Variants in GDPD4 observed in about 807,000 individuals in gnomAD.
The protein encoded by GDPD4 is glycerophosphodiester phosphodiesterase 6.
GDPD4 carries 60 observed loss-of-function variants against 67.8 expected under a neutral mutation model. That is an observed-to-expected ratio of 0.88 (90% CI 0.72 to 1.10). The LOEUF (loss-of-function observed/expected upper bound fraction) is 1.10. Among genes scored for constraint, GDPD4 ranks in the 50% least tolerant of loss-of-function variants. The pLI is 0.00. For synonymous variants in GDPD4, 212 were observed against 210.9 expected (o/e 1.00, Z -0.04); for missense variants, 623 against 613.9 (o/e 1.01, Z -0.16).
chr11:77,270,498 A>G (rs1219476874), intron 7 of GDPD4, among the ~76,000 whole-genome samples: 1 of 152,150 alleles, frequency 6.6e-6, no homozygotes, highest in East Asian at 1.9e-4. Flanking sequence ...CAGGCGGATC[A>G]CGAGGTTAAG....
intron 10 of GDPD4, 39 bp downstream of exon 10, chr11:77,268,418 A>G (rs1240455270): frequency 1.5e-5 from 21 of 1,379,498 alleles, no homozygotes; most frequent in African/African-American, 7.2e-5. Flanking sequence ...CATTGAACTT[A>G]TACCCTCCTC....
chr11:77,276,696 T>G (rs537014024), intron 4 of GDPD4, among the ~76,000 whole-genome samples: 1 of 152,198 alleles, frequency 6.6e-6, no homozygotes, highest in Non-Finnish European at 1.5e-5. Context: ...AACACTGGTA[T>G]AGATTCAACA....
intron 16 of GDPD4, among the ~76,000 whole-genome samples, chr11:77,226,762 C>A (rs1958347563): frequency 6.6e-6 from 1 of 152,142 alleles, no homozygotes; most frequent in Admixed American, 6.5e-5. Context: ...ACTCAAGTAA[C>A]CATGTAACTT....
At chr11:77,254,901 C>A (rs751841631) in intron 11 of GDPD4, among the ~76,000 whole-genome samples, 1 of 152,150 alleles carries the variant, frequency 6.6e-6, no homozygotes. Context: ...TCAGAATAAT[C>A]TTTACTAATT....
rs1430537731 is a variant in GDPD4 at position 77,243,698 on chromosome 11, A to T, written c.1237T>A (p.Leu413Ile). ...VDYKKLFPNG[L>I]RDYKAANIHI... ...GAGGTGTGGTCAAACACTTACCTTA[A>T]CCCATTAGGGAACAACTTCTTGTAG... The change falls in exon 13 of 17, where the codon TTA becomes ATA. Residue 413 changes from leucine to isoleucine, a missense_variant. Coordinates refer to ENST00000315938, the MANE Select transcript of GDPD4 (RefSeq NM_182833.3). 2 of 1,612,036 alleles carry T rather than the reference A, an allele frequency of 1.2e-6. No individual in the cohort carries two copies.
At chr11:77,287,572 T>C (rs935982142) in intron 1 of GDPD4, among the ~76,000 whole-genome samples, 152 bp from the exon 2 acceptor site, 1 of 152,188 alleles carries the variant, frequency 6.6e-6, no homozygotes, top group Non-Finnish European at 1.5e-5. Context: ...GGCAGAAGAA[T>C]AGAGTTTCTT....
chr11:77,241,868 G>T (rs952062979), intron 13 of GDPD4, among the ~76,000 whole-genome samples: 1 of 151,998 alleles, frequency 6.6e-6, no homozygotes, highest in Non-Finnish European at 1.5e-5. Flanking sequence ...AAGAGGCGGA[G>T]GTTGCAGCGA....
intron 11 of GDPD4, 76 bp downstream of exon 11, chr11:77,258,310 C>T: frequency 7.1e-7 from 1 of 1,404,238 alleles, no homozygotes; most frequent in Non-Finnish European, 1.0e-6. Flanking sequence ...CATCTATGGC[C>T]TTTATTTTCA....
intron 16 of GDPD4, among the ~76,000 whole-genome samples, chr11:77,224,833 A>G (rs756559490): frequency 2.7e-4 from 41 of 152,278 alleles, no homozygotes; most frequent in Non-Finnish European, 5.1e-4. Context: ...TGGGCAGGGT[A>G]GCTCACATCT....
chr11:77,278,851 A>G (rs554988043), intron 4 of GDPD4, among the ~76,000 whole-genome samples: 8 of 152,348 alleles, frequency 5.3e-5, no homozygotes, highest in Non-Finnish European at 7.3e-5. Flanking sequence ...TGTACTTTGC[A>G]TCTGGGCTAG....
intron 5 of GDPD4, among the ~76,000 whole-genome samples, chr11:77,272,694 T>C (rs1959270766): frequency 6.6e-6 from 1 of 151,856 alleles, no homozygotes; most frequent in Admixed American, 6.6e-5. Context: ...GAGAATCGCT[T>C]GAACCCGGGA....
chr11:77,277,794 C>A (rs915610303), intron 4 of GDPD4, among the ~76,000 whole-genome samples: 2 of 151,636 alleles, frequency 1.3e-5, no homozygotes, highest in Non-Finnish European at 2.9e-5. Context: ...AATGTGTTTG[C>A]TCTTGCTTCT....
In GDPD4 at chr11:77,229,134, T is replaced by A; in HGVS notation, c.1472+16A>T. 1 of 1,244,104 alleles carries A rather than the reference T, an allele frequency of 8.0e-7. No individual in the cohort carries two copies. Among genetic ancestry groups the A allele is most frequent in the South Asian group, 1.5e-5 (1 of 66,704 alleles). The allele number at this position is 1,244,104 out of a possible 1,614,324, so 77.1% of individuals were successfully genotyped here. On this transcript the variant is annotated intron_variant, in intron 15 of 16. Transcript: ENST00000315938. ...TATTTTGGAAAAAATTCATTTAAAA[T>A]TATATATATACTTACCAGTGAAAAC... is the stretch of plus-strand genomic sequence containing the variant.
chr11:77,267,561 C>G (rs1242227824), intron 10 of GDPD4, among the ~76,000 whole-genome samples: 1 of 152,142 alleles, frequency 6.6e-6, no homozygotes, highest in Non-Finnish European at 1.5e-5. Flanking sequence ...AGTTGAACAT[C>G]TTCTCATGTA....
At chr11:77,293,032 C>T (rs1793474) in intron 1 of GDPD4, among the ~76,000 whole-genome samples, 30,209 of 151,984 alleles carry the variant, frequency 0.2, 3,804 homozygotes, top group Non-Finnish European at 0.27. Context: ...ACAACAACAA[C>T]GGGTTCACTG....
Position 77,217,126 on chromosome 11 carries a change from A to C in GDPD4, c.*151T>G, listed in dbSNP as rs766056525. 1.4e-6 allele frequency: 1 copy of C among 726,992 alleles called. No individual in the cohort carries two copies. Among genetic ancestry groups the C allele is most frequent in the East Asian group, 2.6e-5 (1 of 37,938 alleles). 45.0% of individuals were successfully genotyped at this position (726,992 alleles called of 1,614,324 possible). On this transcript the variant is annotated 3_prime_UTR_variant, in exon 17 of 17. Coordinates refer to ENST00000315938, the MANE Select transcript of GDPD4 (RefSeq NM_182833.3). ...TCAAAGGTGTGACAGCATTCTTGATAGGTAGTAGTTTCTTGGATGGTGCTG... is the reference window on the plus strand; with the variant it reads ...TCAAAGGTGTGACAGCATTCTTGATCGGTAGTAGTTTCTTGGATGGTGCTG...
chr11:77,225,796 A>G (rs1958322457), intron 16 of GDPD4, among the ~76,000 whole-genome samples: 1 of 152,196 alleles, frequency 6.6e-6, no homozygotes. Flanking sequence ...GGCATGGGGC[A>G]ACACATGGCA....
rs1406703116 is a variant in GDPD4, at chr11:77,262,381, G to C, written c.708-3839C>G. ...AGGACTGAGGGATAAAGAAGATAAG[G>C]GGGTACTGAAGCCATCCTCACAGGG... On this transcript the variant is annotated intron_variant, in intron 10 of 16. Coordinates refer to ENST00000315938, the MANE Select transcript of GDPD4 (RefSeq NM_182833.3). 2.0e-5 allele frequency among the ~76,000 whole-genome samples: 3 copies of C among 152,102 alleles called. No individual in the cohort carries two copies. The East Asian group carries it at 5.8e-4, about 29-fold the overall frequency.
At chr11:77,227,980 T>C in intron 15 of GDPD4, 64 bp from the exon 16 acceptor site, 2 of 1,079,418 alleles carry the variant, frequency 1.9e-6, no homozygotes, top group Non-Finnish European at 2.9e-6. Context: ...CTTCTAACGT[T>C]CCTCCTCCAG....
Sources: allele counts gnomAD v4.1 joint callset (sites outside exome capture counted in the v4.1 genomes callset), GRCh38; gene constraint gnomAD v4.1.1; transcripts MANE v1.5; gene names NCBI Gene and HGNC (gene_info 2026-07-23, HGNC 2026-07-21).